FHIT: variants seen among roughly 807,000 people sequenced by gnomAD.
FHIT encodes the protein fragile histidine triad diadenosine triphosphatase.
A neutral mutation model predicts 17.9 loss-of-function variants in FHIT; 19 were observed. The observed-to-expected ratio is 1.06, with a 90% CI of 0.74 to 1.56. The LOEUF (loss-of-function observed/expected upper bound fraction) is 1.56. Among genes scored for constraint, FHIT ranks in the 40% most tolerant of loss-of-function variants. FHIT has a pLI of 0.00. For synonymous variants in FHIT, 81 were observed against 69.7 expected, an observed-to-expected ratio of 1.16 and a Z score of -0.81; for missense variants, 248 against 189.2, an observed-to-expected ratio of 1.31 and a Z score of -1.82.
chr3:61,181,550 C>A (rs1447592580), intron 2 of FHIT, among the ~76,000 whole-genome samples: 1 of 152,130 alleles, frequency 6.6e-6, no homozygotes, highest in South Asian at 2.1e-4. Context: ...CCTGTCATGT[C>A]CAGAATACTA....
At chr3:59,801,945 C>T (rs1700011093) in intron 8 of FHIT, among the ~76,000 whole-genome samples, 1 of 152,218 alleles carries the variant, frequency 6.6e-6, no homozygotes, top group South Asian at 2.1e-4. Context: ...CACACTCTCT[C>T]ATTTACTTGG....
chr3:61,234,352 G>A (rs908959047), intron 1 of FHIT, among the ~76,000 whole-genome samples: 10 of 152,152 alleles, frequency 6.6e-5, no homozygotes, highest in African/African-American at 2.4e-4. Context: ...AAATGGTGAG[G>A]AAAACCTATA....
chr3:61,075,094 C>T (rs1161604558), intron 2 of FHIT, among the ~76,000 whole-genome samples: 8 of 152,168 alleles, frequency 5.3e-5, no homozygotes, highest in Non-Finnish European at 1.0e-4. Flanking sequence ...AAGCAGGTTT[C>T]AATGTTCTAC....
chr3:59,841,032 A>G (rs1212796491), intron 8 of FHIT, among the ~76,000 whole-genome samples: 3 of 152,182 alleles, frequency 2.0e-5, no homozygotes, highest in African/African-American at 7.2e-5. Flanking sequence ...AGATTTTGCT[A>G]AAGAGTTGGT....
intron 3 of FHIT, among the ~76,000 whole-genome samples, chr3:60,825,962 T>A (rs782596407): frequency 3.3e-5 from 5 of 152,068 alleles, no homozygotes; most frequent in Non-Finnish European, 7.4e-5. Flanking sequence ...TGAAAATGAT[T>A]TGGTTTTATC....
At chr3:60,617,974 A>G in intron 4 of FHIT, 1 of 273,426 alleles carries the variant, frequency 3.7e-6, no homozygotes, top group Non-Finnish European at 7.4e-6. Context: ...TTATAAAGTC[A>G]AATCAAAGAA....
At chr3:60,114,488 C>CTTT (rs145618938) in intron 5 of FHIT, among the ~76,000 whole-genome samples, 729 of 59,470 alleles carry the variant, frequency 0.012, 148 homozygotes, top group African/African-American at 0.037. Flanking sequence ...CAAGAGAAAT[C>CTTT]CTTTTTTTTT....
At chr3:60,108,886 C>T (rs984641538) in intron 5 of FHIT, among the ~76,000 whole-genome samples, 4 of 152,172 alleles carry the variant, frequency 2.6e-5, no homozygotes, top group African/African-American at 9.7e-5. Flanking sequence ...TGGTCTCGTA[C>T]TCCCGACCTC....
intron 8 of FHIT, among the ~76,000 whole-genome samples, chr3:59,850,334 T>C (rs1701884215): frequency 6.6e-6 from 1 of 152,180 alleles, no homozygotes; most frequent in South Asian, 2.1e-4. Flanking sequence ...TAATTCCTAA[T>C]TTGCAGCTGC....
intron 5 of FHIT, among the ~76,000 whole-genome samples, chr3:60,257,510 T>C (rs950995933): frequency 2.0e-5 from 3 of 152,188 alleles, no homozygotes; most frequent in Non-Finnish European, 4.4e-5. Flanking sequence ...TGGCTTTTCA[T>C]AGAGTGTTCA....
chr3:61,064,523 T>C (rs944841694), intron 2 of FHIT, among the ~76,000 whole-genome samples: 1 of 152,162 alleles, frequency 6.6e-6, no homozygotes, highest in African/African-American at 2.4e-5. Context: ...TAGTTGGGTG[T>C]TCTGTTACTT....
chr3:60,261,094 A>G (rs1706271790), intron 5 of FHIT, among the ~76,000 whole-genome samples: 1 of 152,104 alleles, frequency 6.6e-6, no homozygotes, highest in Middle Eastern at 3.2e-3. Flanking sequence ...TGAGCAGCCC[A>G]AACTGCTTTC....
chr3:60,545,442 A>G (rs749245751), intron 4 of FHIT, among the ~76,000 whole-genome samples: 2 of 152,152 alleles, frequency 1.3e-5, no homozygotes, highest in Non-Finnish European at 2.9e-5. Flanking sequence ...TACTTGAGTC[A>G]AACCTTGGGC....
At chr3:60,428,032 C>A (rs1390680412) in intron 5 of FHIT, among the ~76,000 whole-genome samples, 1 of 152,060 alleles carries the variant, frequency 6.6e-6, no homozygotes. Flanking sequence ...TTTCTATTCC[C>A]AATAGGTACT....
chr3:60,644,135 A>T (rs546401983), intron 4 of FHIT, among the ~76,000 whole-genome samples: 1 of 152,182 alleles, frequency 6.6e-6, no homozygotes, highest in African/African-American at 2.4e-5. Flanking sequence ...CCTGAAGGCC[A>T]TATTTTAGGA....
intron 2 of FHIT, among the ~76,000 whole-genome samples, chr3:61,135,622 C>G (rs538167340): frequency 6.6e-6 from 1 of 152,050 alleles, no homozygotes; most frequent in East Asian, 1.9e-4. Flanking sequence ...CACATACACA[C>G]AGTAAAATCA....
At chr3:60,944,404 C>A (rs1553775280) in intron 3 of FHIT, among the ~76,000 whole-genome samples, 1 of 151,980 alleles carries the variant, frequency 6.6e-6, no homozygotes, top group Non-Finnish European at 1.5e-5. Context: ...CTTTAAATGA[C>A]AGCTTTTAAC....
At chr3:60,568,284 A>T (rs532454289) in intron 4 of FHIT, among the ~76,000 whole-genome samples, 4 of 152,352 alleles carry the variant, frequency 2.6e-5, no homozygotes, top group East Asian at 3.9e-4. Context: ...GCCATAAAAA[A>T]TGATGAGTTC....
chr3:60,278,976 C>A (rs1157529309), intron 5 of FHIT, among the ~76,000 whole-genome samples: 1 of 151,552 alleles, frequency 6.6e-6, no homozygotes, highest in African/African-American at 2.4e-5. Flanking sequence ...TGTTAGAAAC[C>A]CACAGAAAGA....
Sources: allele counts gnomAD v4.1 joint callset (sites outside exome capture counted in the v4.1 genomes callset), GRCh38; gene constraint gnomAD v4.1.1; transcripts MANE v1.5; gene names NCBI Gene and HGNC (gene_info 2026-07-23, HGNC 2026-07-21).